The following ROBO2 variants were observed in gnomAD, a reference collection of about 807,000 sequenced individuals.
ROBO2 encodes the protein roundabout homolog 2.
ROBO2 carries 53 observed loss-of-function variants against 160.8 expected under a neutral mutation model. The observed-to-expected ratio is 0.33, with a 90% CI of 0.26 to 0.41. The LOEUF (loss-of-function observed/expected upper bound fraction) is 0.41, where lower values mean the gene tolerates loss of function less well. Ranked by LOEUF, ROBO2 falls within the 10% of genes least tolerant of loss-of-function variation. The pLI is 1.00. For missense variants in ROBO2, 1,577 were observed against 1,722.4 expected (o/e 0.92, Z 1.49); for synonymous variants, 664 against 611.7 (o/e 1.09, Z -1.26).
intron 2 of ROBO2, among the ~76,000 whole-genome samples, chr3:76,855,374 C>T (rs1431444266): frequency 2.0e-5 from 3 of 152,144 alleles, no homozygotes; most frequent in South Asian, 2.1e-4. Context: ...TTTACCACAA[C>T]GAGGTGATAG....
chr3:76,997,160 T>G (rs1578142868), intron 2 of ROBO2, among the ~76,000 whole-genome samples: 1 of 152,294 alleles, frequency 6.6e-6, no homozygotes, highest in East Asian at 1.9e-4. Context: ...GAAATAATTG[T>G]TTTTGTTTTT....
intron 2 of ROBO2, among the ~76,000 whole-genome samples, chr3:76,461,307 TC>T (rs1474264677): frequency 6.6e-6 from 1 of 152,088 alleles, no homozygotes; most frequent in Non-Finnish European, 1.5e-5. Flanking sequence ...TGAGGGGTCC[TC>T]CCCTGTGATC....
chr3:76,257,177 A>G (rs563480234), intron 2 of ROBO2, among the ~76,000 whole-genome samples: 3 of 152,316 alleles, frequency 2.0e-5, no homozygotes, highest in African/African-American at 4.8e-5. Flanking sequence ...TCAACATGAG[A>G]CTTGGCCAGA....
intron 2 of ROBO2, among the ~76,000 whole-genome samples, chr3:76,818,487 C>G (rs2065873593): frequency 2.0e-5 from 3 of 151,842 alleles, no homozygotes; most frequent in Admixed American, 2.0e-4. Context: ...TGTGCAGAAG[C>G]TTTTTAGTTT....
At position 77,040,433 on chromosome 3, in the gene ROBO2, C is replaced by T. The variant is rs2063976156; in HGVS notation, c.-353C>T. 5.6e-6 allele frequency: 6 copies of T among 1,066,640 alleles called. No individual in the cohort carries two copies. The African/African-American group carries it at 6.7e-5, about 12-fold the overall frequency. The allele number at this position is 1,066,640 out of a possible 1,614,324, so 66.1% of individuals were successfully genotyped here. ...TTTTCCTCCCCCTTCATCATCTTGA[C>T]TTCTGAAGGAAGAACTTGGCTTTGG... On this transcript the variant is annotated 5_prime_UTR_variant, in exon 1 of 26. Transcript: ENST00000461745.
At chr3:75,936,131 T>C (rs1163663671) in intron 1 of ROBO2, among the ~76,000 whole-genome samples, 2 of 152,220 alleles carry the variant, frequency 1.3e-5, no homozygotes, top group African/African-American at 4.8e-5. Context: ...AGAAATGTCA[T>C]TGTAACCTTC....
At chr3:77,125,812 GT>G (rs1203301195) in intron 2 of ROBO2, among the ~76,000 whole-genome samples, 1 of 152,080 alleles carries the variant, frequency 6.6e-6, no homozygotes, top group African/African-American at 2.4e-5. Context: ...CAATTTTAGA[GT>G]GCAATTTTTA....
chr3:76,992,348 TA>T lies in ROBO2; in HGVS notation c.110-105665del, dbSNP rs1559812086. On this transcript the variant is annotated intron_variant, in intron 2 of 26. Coordinates refer to the ROBO2 transcript ENST00000487694. ...TACTATATATATATATATATATATA[TA>T]TATATATATATATATATATAAATTT... Among the ~76,000 whole-genome samples the T allele has an allele frequency of 5.6e-3, 753 of 135,522 alleles. 11 individuals carry two copies. The highest frequency in any genetic ancestry group is 0.023 in the Middle Eastern group (6 of 262). 88.9% of individuals were successfully genotyped at this position (135,522 alleles called of 152,430 possible).
intron 5 of ROBO2, among the ~76,000 whole-genome samples, chr3:77,516,495 T>C (rs1303523709): frequency 2.0e-5 from 3 of 151,654 alleles, no homozygotes; most frequent in African/African-American, 7.2e-5. Flanking sequence ...AAAGCTTACA[T>C]TGTTTTCTCT....
chr3:76,902,241 G>T (rs942054311), intron 2 of ROBO2, among the ~76,000 whole-genome samples: 1 of 151,732 alleles, frequency 6.6e-6, no homozygotes, highest in East Asian at 1.9e-4. Context: ...AGCTTTGTTT[G>T]CATTATTCAG....
At chr3:75,968,316 A>T (rs113331495) in intron 2 of ROBO2, among the ~76,000 whole-genome samples, 47 of 151,638 alleles carry the variant, frequency 3.1e-4, no homozygotes, top group African/African-American at 1.0e-3. Context: ...TGGTGAGTCT[A>T]CATTTATCAG....
At position 76,199,444 on chromosome 3, in the gene ROBO2, A is replaced by G. The variant is rs933756573; in HGVS notation, c.109+261842A>G. ...CCCTAGAGCTTCCAGAAAGGAATGCAGCCTGCTAACAGATGATCCTAATTC... is the reference window on the plus strand; with the variant it reads ...CCCTAGAGCTTCCAGAAAGGAATGCGGCCTGCTAACAGATGATCCTAATTC... On this transcript the variant is annotated intron_variant, in intron 2 of 26. Transcript: ENST00000487694. Among the ~76,000 whole-genome samples the G allele has an allele frequency of 1.2e-4, 18 of 152,296 alleles. No individual in the cohort carries two copies. The East Asian group carries it at 3.3e-3, about 28-fold the overall frequency.
chr3:77,031,464 GAT>G (rs917709162), intron 2 of ROBO2, among the ~76,000 whole-genome samples: 11 of 145,182 alleles, frequency 7.6e-5, no homozygotes, highest in Non-Finnish European at 1.3e-4. Context: ...GTATATAAAT[GAT>G]ATATGACTAT....
At chr3:77,300,458 C>G (rs1049554832) in intron 2 of ROBO2, among the ~76,000 whole-genome samples, 4 of 151,982 alleles carry the variant, frequency 2.6e-5, no homozygotes, top group African/African-American at 9.7e-5. Flanking sequence ...TGTAGCAGCC[C>G]AACCCATCTG....
exon 2 of ROBO2, chr3:75,937,594 A>G: frequency 1.9e-6 from 3 of 1,553,250 alleles, no homozygotes; most frequent in Non-Finnish European, 2.6e-6. Flanking sequence ...GGGAATGGAC[A>G]AGGCCAAGGT....
At chr3:76,086,621 C>T (rs1365472475) in intron 2 of ROBO2, among the ~76,000 whole-genome samples, 1 of 152,134 alleles carries the variant, frequency 6.6e-6, no homozygotes, top group African/African-American at 2.4e-5. Flanking sequence ...CCCAGTGCAT[C>T]ATGTCTTCCT....
At chr3:77,433,193 T>A (rs570244969) in intron 2 of ROBO2, among the ~76,000 whole-genome samples, 1 of 151,988 alleles carries the variant, frequency 6.6e-6, no homozygotes, top group East Asian at 2.0e-4. Flanking sequence ...TTTTCAAAGG[T>A]TTAGTCTTGG....
In ROBO2 at chr3:77,268,354, T is replaced by G. The variant is rs562308977; in HGVS notation, c.388+170014T>G. Reference sequence around the variant, plus strand: ...ATGGAATAACAGAAAAAAAGTACAGTGTACGTTTTAAATACTCACTGTGCT... The same window carrying G: ...ATGGAATAACAGAAAAAAAGTACAGGGTACGTTTTAAATACTCACTGTGCT... On this transcript the variant is annotated intron_variant, in intron 2 of 25. Coordinates refer to ENST00000461745, the Ensembl canonical transcript of ROBO2. 2.6e-5 allele frequency among the ~76,000 whole-genome samples: 4 copies of G among 152,210 alleles called. No individual in the cohort carries two copies. In the South Asian group the frequency reaches 8.3e-4, roughly 32 times the overall value.
At chr3:77,551,995 A>G (rs1235540328) in intron 8 of ROBO2, among the ~76,000 whole-genome samples, 1 of 152,018 alleles carries the variant, frequency 6.6e-6, no homozygotes, top group Admixed American at 6.6e-5. Flanking sequence ...TGAGTCGTTA[A>G]TGGCTGCACC....
Sources: allele counts gnomAD v4.1 joint callset (sites outside exome capture counted in the v4.1 genomes callset), GRCh38; gene constraint gnomAD v4.1.1; transcripts MANE v1.5; gene names NCBI Gene and HGNC (gene_info 2026-07-23, HGNC 2026-07-21).